Variants in HAPLN2 observed in about 807,000 individuals in gnomAD.
The protein encoded by HAPLN2 is hyaluronan and proteoglycan link protein 2.
A neutral mutation model predicts 29.3 loss-of-function variants in HAPLN2; 27 were observed. That is an observed-to-expected ratio of 0.92 (90% CI 0.68 to 1.27). HAPLN2 has a LOEUF of 1.27. Among genes scored for constraint, HAPLN2 ranks in the 50% most tolerant of loss-of-function variants. The pLI, the probability that HAPLN2 is intolerant of heterozygous loss-of-function variation, is 0.00. For missense variants in HAPLN2, 454 were observed against 484.3 expected (o/e 0.94, Z 0.59); for synonymous variants, 208 against 211.7 (o/e 0.98, Z 0.15).
At chr1:156,604,293 C>CTTTTTTTTTTTTTTTTTT in the HAPLN2 span, among the ~76,000 whole-genome samples, 1 of 147,020 alleles carries the variant, frequency 6.8e-6, no homozygotes, top group Non-Finnish European at 1.5e-5. Context: ...TTGAAGAATT[C>CTTTTTTTTTTTTTTTTTT]TTTTTTTTTT....
Position 156,623,559 on chromosome 1 carries a change from A to T in HAPLN2, c.69A>T (p.Lys23Asn). 1.2e-6 allele frequency: 2 copies of T among 1,614,110 alleles called. No individual in the cohort carries two copies. Among genetic ancestry groups the T allele is most frequent in the African/African-American group, 2.7e-5 (2 of 75,024 alleles). ...FLLWAFTIFH[K>N]AQGDPASHPG... Reference sequence around the variant, plus strand: ...TTTGGGCCTTCACCATCTTCCACAAAGCCCAAGGAGACCCAGGTAAGACCC... The same window carrying T: ...TTTGGGCCTTCACCATCTTCCACAATGCCCAAGGAGACCCAGGTAAGACCC... Residue 23 changes from lysine (K) to asparagine (N), a missense_variant, in exon 3 of 7, where the codon AAA becomes AAT. Transcript: ENST00000255039.
chr1:156,617,300 T>G (rs1486544974), upstream of HAPLN2, among the ~76,000 whole-genome samples: 1 of 151,532 alleles, frequency 6.6e-6, no homozygotes, highest in Non-Finnish European at 1.5e-5. Context: ...CATCTCCTCC[T>G]CTAGTAAATG....
At chr1:156,612,505 C>T in the HAPLN2 span, among the ~76,000 whole-genome samples, 1 of 152,164 alleles carries the variant, frequency 6.6e-6, no homozygotes, top group African/African-American at 2.4e-5. Context: ...TCTCCTGCCT[C>T]AGCCTCCCAA....
At chr1:156,605,049 T>G in the HAPLN2 span, among the ~76,000 whole-genome samples, 1 of 151,976 alleles carries the variant, frequency 6.6e-6, no homozygotes, top group African/African-American at 2.4e-5. Context: ...GAGGATCATT[T>G]GAGGTCAGGA....
upstream of HAPLN2, chr1:156,614,907 A>G (rs1486441986): frequency 6.6e-6 from 1 of 152,198 alleles, no homozygotes; most frequent in Admixed American, 6.5e-5. Flanking sequence ...AACTTTGCAA[A>G]CAGCTTCTTG....
At chr1:156,606,998 T>C in the HAPLN2 span, among the ~76,000 whole-genome samples, 1 of 152,158 alleles carries the variant, frequency 6.6e-6, no homozygotes, top group Non-Finnish European at 1.5e-5. Flanking sequence ...TCCTCAGTTA[T>C]ACTTCCCATG....
upstream of HAPLN2, among the ~76,000 whole-genome samples, chr1:156,618,674 G>A (rs916728462): frequency 3.3e-5 from 5 of 151,302 alleles, no homozygotes. Flanking sequence ...AGCTACTTGG[G>A]AGGCTGAGGC....
the HAPLN2 span, among the ~76,000 whole-genome samples, chr1:156,602,042 A>C: frequency 6.6e-6 from 1 of 151,624 alleles, no homozygotes; most frequent in African/African-American, 2.4e-5. Context: ...GGCTCAAGTG[A>C]TCCTCCCATC....
chr1:156,623,773 G>A (rs1056132766), intron 3 of HAPLN2, 34 bp from the exon 4 acceptor site: 13 of 1,472,938 alleles, frequency 8.8e-6, no homozygotes, highest in Admixed American at 2.4e-5. Flanking sequence ...AGTGAGGATT[G>A]GGGGTTCCTG....
chr1:156,615,797 C>G (rs2102517872), upstream of HAPLN2, among the ~76,000 whole-genome samples: 1 of 152,124 alleles, frequency 6.6e-6, no homozygotes, highest in African/African-American at 2.4e-5. Context: ...GTCTTGAACT[C>G]ATGACCTTGT....
At chr1:156,612,881 T>C in the HAPLN2 span, among the ~76,000 whole-genome samples, 2 of 152,330 alleles carry the variant, frequency 1.3e-5, no homozygotes, top group African/African-American at 4.8e-5. Flanking sequence ...GGTGCTAGTG[T>C]GTTGCCCTCA....
At chr1:156,605,350 G>A in the HAPLN2 span, among the ~76,000 whole-genome samples, 1 of 151,772 alleles carries the variant, frequency 6.6e-6, no homozygotes, top group Admixed American at 6.6e-5. Context: ...CTAGCACTTT[G>A]CGAGGCCGAC....
chr1:156,606,423 T>TAAAA, the HAPLN2 span, among the ~76,000 whole-genome samples: 4 of 49,478 alleles, frequency 8.1e-5, no homozygotes, highest in African/African-American at 2.9e-4. Flanking sequence ...AGACTCTGTC[T>TAAAA]AAAAAAAAAA....
Position 156,623,474 on chromosome 1 carries a change from C to A in HAPLN2, c.-17C>A. On this transcript the variant is annotated 5_prime_UTR_variant, in exon 3 of 7. Coordinates refer to ENST00000255039, the MANE Select transcript of HAPLN2 (RefSeq NM_021817.3). ...ACTCTTTGTGCCCTGCAGACGGTGC[C>A]GGGCTGACCCCCCATCATGCCAGGC... 1 of 1,613,596 alleles carries A rather than the reference C, an allele frequency of 6.2e-7. No individual in the cohort carries two copies.
At position 156,623,813 on chromosome 1, in the gene HAPLN2, A is replaced by C. The variant is rs1571420953; in HGVS notation, c.92A>C (p.His31Pro). 2.0e-6 allele frequency: 3 copies of C among 1,513,452 alleles called. No individual in the cohort carries two copies. Among genetic ancestry groups the C allele is most frequent in the Non-Finnish European group, 2.6e-6 (3 of 1,132,226 alleles). 93.8% of individuals were successfully genotyped at this position (1,513,452 alleles called of 1,614,324 possible). The change falls in exon 4 of 7, where the codon CAC becomes CCC. Residue 31 changes from histidine (H) to proline (P), a missense_variant. His to Pro is a moderately conservative substitution (Grantham distance 77, BLOSUM62 -2). Coordinates refer to ENST00000255039, the MANE Select transcript of HAPLN2 (RefSeq NM_021817.3). ...FHKAQGDPAS[H>P]PGPHYLLPPI... is the part of the protein sequence containing the mutation. ...TGTGGCCCCCTCTGCCCAGCATCCC[A>C]CCCGGGCCCCCACTACCTCCTGCCC...
chr1:156,617,414 G>A (rs990165106), upstream of HAPLN2, among the ~76,000 whole-genome samples: 6 of 146,990 alleles, frequency 4.1e-5, no homozygotes, highest in Non-Finnish European at 8.9e-5. Context: ...GCAGTGGCAC[G>A]ATCTCAGCTC....
At chr1:156,606,135 G>C in the HAPLN2 span, among the ~76,000 whole-genome samples, 3 of 152,024 alleles carry the variant, frequency 2.0e-5, no homozygotes, top group Non-Finnish European at 2.9e-5. Context: ...ATGGTGGCAG[G>C]CGCCTATAAT....
chr1:156,620,353 G>T (rs1678177017), intron 2 of HAPLN2, among the ~76,000 whole-genome samples, 195 bp downstream of exon 2: 1 of 152,156 alleles, frequency 6.6e-6, no homozygotes. Context: ...GGTGCACCTT[G>T]GTTTCAGCAT....
Position 156,624,073 on chromosome 1 carries a change from G to A in HAPLN2, c.352G>A (p.Val118Met), listed in dbSNP as rs572616194. 1.7e-5 allele frequency: 27 copies of A among 1,613,586 alleles called. No homozygotes were observed. Among genetic ancestry groups the A allele is most frequent in the Non-Finnish European group, 2.2e-5 (26 of 1,179,914 alleles). ...AGACGCCTCCCTGGTCATCGCGGGC[G>A]TGCGCCTGGAGGACGAGGGCCGGTA... Reference protein sequence around the residue: ...RLDASLVIAGVRLEDEGRYRC... With the variant: ...RLDASLVIAGMRLEDEGRYRC... Residue 118 changes from valine (V) to methionine (M), a missense_variant, in exon 4 of 7, where the codon GTG (valine) becomes ATG (methionine). Val to Met is a conservative substitution (Grantham distance 21). This residue lies in a region of HAPLN2 where 204 missense variants were observed against 209.2 expected (regional missense o/e 0.98). Coordinates refer to ENST00000255039, the MANE Select transcript of HAPLN2 (RefSeq NM_021817.3).
Sources: gnomAD v4.1 joint callset for allele counts (sites outside exome capture counted in the v4.1 genomes callset) on GRCh38, gnomAD v4.1.1 for gene constraint, gnomAD v4.1.1 regional missense constraint, MANE v1.5 for transcripts, NCBI Gene and HGNC (gene_info 2026-07-23, HGNC 2026-07-21) for gene names.